The following SORBS2 variants were observed in gnomAD, a reference collection of about 807,000 sequenced individuals.
SORBS2 encodes the protein sorbin and SH3 domain-containing protein 2.
In SORBS2, 46 loss-of-function variants were observed where a neutral mutation model predicts 97.7. That is an observed-to-expected ratio of 0.47 (90% confidence interval 0.37 to 0.60). SORBS2 has a LOEUF of 0.60. SORBS2 is among the 20% of genes least tolerant of loss of function. The pLI is 0.00. For missense variants in SORBS2, 1,316 were observed against 1,282.3 expected (o/e 1.03, Z -0.40); for synonymous variants, 476 against 473.4 (o/e 1.01, Z -0.07).
chr4:185,898,978 A>G (rs753769445), intron 1 of SORBS2, among the ~76,000 whole-genome samples: 58 of 152,306 alleles, frequency 3.8e-4, no homozygotes, highest in Non-Finnish European at 7.1e-4. Context: ...CTTTGGTTCA[A>G]TGAGAGATTT....
chr4:185,770,447 G>T (rs909539660), intron 2 of SORBS2, among the ~76,000 whole-genome samples: 1 of 152,146 alleles, frequency 6.6e-6, no homozygotes, highest in South Asian at 2.1e-4. Context: ...TGCTCAAAAC[G>T]TTGCAGATTT....
chr4:185,918,076 A>T (rs745809198), intron 1 of SORBS2: 1 of 152,218 alleles, frequency 6.6e-6, no homozygotes, highest in Non-Finnish European at 1.5e-5. Context: ...TATTTGCAAT[A>T]CATTGGGTAT....
intron 4 of SORBS2, among the ~76,000 whole-genome samples, chr4:185,673,464 A>G (rs561912504): frequency 1.6e-4 from 25 of 152,362 alleles, no homozygotes; most frequent in Non-Finnish European, 1.2e-4. Flanking sequence ...CCAGTAAAAA[A>G]AATGAAGTAT....
In SORBS2 at chr4:185,608,999, T is replaced by TA. The variant is rs35862320; in HGVS notation, c.2796+2780_2796+2781insT. Among the ~76,000 whole-genome samples, 8 of 32,882 alleles carry TA rather than the reference T, an allele frequency of 2.4e-4. No homozygotes were observed. The East Asian group carries it at 6.1e-3, about 25-fold the overall frequency. The allele number at this position is 32,882 out of a possible 152,430, so 21.6% of individuals were successfully genotyped here. A position where few individuals can be genotyped will look rare whatever the true frequency, so the allele number is the denominator to read the frequency against. On this transcript the variant is annotated intron_variant, in intron 12 of 14. Transcript: ENST00000418609. ...GGGGTATTAATTAGATTTATTTAGC[T>TA]TTTTTTTTTTAAGTCATCTTATCGT...
At chr4:185,834,871 C>G (rs2099207153) in intron 1 of SORBS2, among the ~76,000 whole-genome samples, 1 of 151,996 alleles carries the variant, frequency 6.6e-6, no homozygotes, top group Admixed American at 6.6e-5. Context: ...TATAAAATAA[C>G]CAAAAAGCGT....
chr4:185,714,730 C>T (rs1451869489), intron 2 of SORBS2, among the ~76,000 whole-genome samples: 1 of 152,136 alleles, frequency 6.6e-6, no homozygotes, highest in Non-Finnish European at 1.5e-5. Context: ...GGGGAACTCT[C>T]CTTTATAAAA....
intron 1 of SORBS2, among the ~76,000 whole-genome samples, chr4:185,776,085 G>C (rs532577030): frequency 6.6e-6 from 1 of 152,092 alleles, no homozygotes; most frequent in African/African-American, 2.4e-5. Flanking sequence ...TTTGTTTCTA[G>C]AAATAAAAAT....
At chr4:185,784,726 C>A (rs1360301831) in intron 1 of SORBS2, among the ~76,000 whole-genome samples, 1 of 152,160 alleles carries the variant, frequency 6.6e-6, no homozygotes, top group African/African-American at 2.4e-5. Context: ...AACTATTAGG[C>A]CTGCCATTAA....
chr4:185,651,898 C>A, intron 2 of SORBS2, 70 bp from the exon 11 acceptor site: 1 of 781,504 alleles, frequency 1.3e-6, no homozygotes, highest in East Asian at 2.5e-5. Flanking sequence ...AGCAGAACTT[C>A]AGACAAACAA....
At chr4:185,658,692 CT>C (rs35439018), upstream of SORBS2, among the ~76,000 whole-genome samples, 40,124 of 115,046 alleles carry the variant, frequency 0.35, 5,494 homozygotes, top group Non-Finnish European at 0.45. Context: ...AATAAGTAAG[CT>C]TTTTTTTTTT....
intron 12 of SORBS2, among the ~76,000 whole-genome samples, chr4:185,604,231 C>T (rs552498992): frequency 6.6e-6 from 1 of 152,316 alleles, no homozygotes; most frequent in Middle Eastern, 3.4e-3. Context: ...AGTTAGCAAT[C>T]AGTATTTATG....
rs1248608934 is a variant in SORBS2 at position 185,593,897 on chromosome 4, A to AC, written c.2834dup (p.Gly946TrpfsTer10). Reference sequence around the variant, plus strand: ...AGAAGAATACTTACGGTTCCCCCCCACCTTGAATATTTTCATGAGTAAACA... The same window carrying AC: ...AGAAGAATACTTACGGTTCCCCCCCACCCTTGAATATTTTCATGAGTAAACA... On this transcript the variant is annotated frameshift_variant, in exon 13 of 15. Transcript: ENST00000418609. LOFTEE classifies it high-confidence loss of function. The AC allele has an allele frequency of 9.4e-6, 15 of 1,603,936 alleles. No homozygotes were observed. Among genetic ancestry groups the AC allele is most frequent in the Non-Finnish European group, 1.3e-5 (15 of 1,170,950 alleles).
At chr4:185,954,132 C>T (rs1228869493) in intron 1 of SORBS2, among the ~76,000 whole-genome samples, 4 of 152,294 alleles carry the variant, frequency 2.6e-5, no homozygotes, top group Non-Finnish European at 5.9e-5. Context: ...CACTTCTTAT[C>T]ATCCAAGATA....
chr4:185,644,099 C>T (rs1221845196), intron 4 of SORBS2, among the ~76,000 whole-genome samples: 1 of 152,136 alleles, frequency 6.6e-6, no homozygotes, highest in Admixed American at 6.5e-5. Flanking sequence ...AAAGGCTGGC[C>T]AACATGTCCC....
chr4:185,714,890 C>T (rs930048378), intron 2 of SORBS2, among the ~76,000 whole-genome samples: 1 of 152,180 alleles, frequency 6.6e-6, no homozygotes, highest in Non-Finnish European at 1.5e-5. Flanking sequence ...CAGAGCCAAA[C>T]CATATCAACA....
chr4:185,933,145 G>A (rs191921754), intron 1 of SORBS2: 2 of 152,286 alleles, frequency 1.3e-5, no homozygotes, highest in Non-Finnish European at 2.9e-5. Context: ...TTGTCTCAAG[G>A]GAGGTCTGAG....
intron 1 of SORBS2, among the ~76,000 whole-genome samples, chr4:185,852,674 C>T (rs781732719): frequency 1.3e-5 from 2 of 152,128 alleles, no homozygotes; most frequent in Non-Finnish European, 2.9e-5. Context: ...AAATTCTAGC[C>T]TCTGCGGTAG....
chr4:185,827,342 T>TCAC (rs2099201316), intron 1 of SORBS2, among the ~76,000 whole-genome samples: 1 of 17,264 alleles, frequency 5.8e-5, no homozygotes, highest in Non-Finnish European at 1.3e-4. Context: ...ATCATCATCA[T>TCAC]CATCATCATC....
chr4:185,918,103 T>G (rs1010451527), intron 1 of SORBS2: 1 of 152,196 alleles, frequency 6.6e-6, no homozygotes, highest in African/African-American at 2.4e-5. Flanking sequence ...AACCAGTGTT[T>G]ACTAGGCATC....
Sources: allele counts gnomAD v4.1 joint callset (sites outside exome capture counted in the v4.1 genomes callset), GRCh38; gene constraint gnomAD v4.1.1; transcripts MANE v1.5; gene names NCBI Gene and HGNC (gene_info 2026-07-23, HGNC 2026-07-21).